TDP1: variants seen among roughly 807,000 people sequenced by gnomAD.
TDP1 encodes tyr-DNA phosphodiesterase 1.
TDP1 carries 64 observed loss-of-function variants against 81.5 expected under a neutral mutation model. The ratio of observed to expected loss-of-function variants is 0.79; its 90% confidence interval spans 0.64 to 0.97. The LOEUF (loss-of-function observed/expected upper bound fraction) is 0.97, where lower values mean the gene tolerates loss of function less well. TDP1 is among the 50% of genes least tolerant of loss of function. The pLI is 0.00. For missense variants in TDP1, 723 were observed against 743.8 expected (o/e 0.97, Z 0.33); for synonymous variants, 256 against 264.3 (o/e 0.97, Z 0.30).
intron 16 of TDP1, among the ~76,000 whole-genome samples, chr14:90,042,225 G>T (rs1018314705): frequency 6.6e-5 from 10 of 152,166 alleles, no homozygotes; most frequent in African/African-American, 2.4e-4. Context: ...TCTTGGTTAC[G>T]TGTGACCAGC....
chr14:90,016,816 C>T (rs1885367592), intron 14 of TDP1, among the ~76,000 whole-genome samples: 1 of 152,182 alleles, frequency 6.6e-6, no homozygotes, highest in Admixed American at 6.5e-5. Flanking sequence ...TGTCACTCAA[C>T]ATGACTTTAG....
At position 89,991,966 on chromosome 14, in the gene TDP1, G is replaced by A. The variant is rs1449544485; in HGVS notation, c.1416G>A (p.Trp472Ter). 4 of 1,612,686 alleles carry A rather than the reference G, an allele frequency of 2.5e-6. No homozygotes were observed. The highest frequency in any genetic ancestry group is 3.4e-6 in the Non-Finnish European group (4 of 1,179,558). Residue 472 changes from tryptophan to a stop codon, truncating the protein, a stop_gained, in exon 13 of 17, where the codon TGG becomes TGA. Transcript: ENST00000335725. LOFTEE classifies it high-confidence loss of function. ...TCCAGACAGCTGAAAAACAGAATTGGCTGCATTCCTATTTTCAGTAAGTAA... is the reference window on the plus strand; with the variant it reads ...TCCAGACAGCTGAAAAACAGAATTGACTGCATTCCTATTTTCAGTAAGTAA... ...YSIQTAEKQN[W>*]LHSYFHKWSA...
intron 15 of TDP1, among the ~76,000 whole-genome samples, chr14:90,025,220 A>G (rs1886512800): frequency 6.6e-6 from 1 of 152,228 alleles, no homozygotes; most frequent in South Asian, 2.1e-4. Context: ...CCCCACAGCC[A>G]TGATTAGGAC....
At chr14:89,991,761 T>C (rs991476994) in intron 12 of TDP1, 156 bp from the exon 13 acceptor site, 1 of 767,926 alleles carries the variant, frequency 1.3e-6, no homozygotes, top group Non-Finnish European at 1.6e-6. Context: ...AGTGCAACTA[T>C]AGACATTTTC....
Position 90,044,490 on chromosome 14 carries a change from T to G in TDP1, c.*1347T>G, listed in dbSNP as rs1345469576. ...TTATAATTTAGGATAGAGTTGAACG[T>G]TAGTCTTGAAAGATTTTCTAAAGTA... On this transcript the variant is annotated 3_prime_UTR_variant, in exon 17 of 17. Coordinates refer to ENST00000335725, the MANE Select transcript of TDP1 (RefSeq NM_018319.4). 1 of 152,230 alleles carries G rather than the reference T, an allele frequency of 6.6e-6. No homozygotes were observed. Among genetic ancestry groups the G allele is most frequent in the Non-Finnish European group, 1.5e-5 (1 of 68,046 alleles). The allele number at this position is 152,230 out of a possible 1,614,324, so 9.4% of individuals were successfully genotyped here. A position where few individuals can be genotyped will look rare whatever the true frequency, so the allele number is the denominator to read the frequency against.
intron 14 of TDP1, among the ~76,000 whole-genome samples, chr14:90,008,499 T>C (rs568947134): frequency 6.6e-6 from 1 of 152,328 alleles, no homozygotes; most frequent in South Asian, 2.1e-4. Flanking sequence ...TAGTACCTGT[T>C]GAAATCTTGG....
intron 6 of TDP1, 121 bp from the exon 7 acceptor site, chr14:89,975,660 T>G: frequency 3.9e-6 from 4 of 1,016,274 alleles, no homozygotes; most frequent in Non-Finnish European, 3.0e-6. Context: ...GCTTGCCTGG[T>G]AGAGATCAGT....
rs374189267 is a variant in TDP1 at position 89,984,688 on chromosome 14, G to A, written c.1052+5G>A. The A allele has an allele frequency of 6.2e-7, 1 of 1,613,570 alleles. No individual in the cohort carries two copies. The highest frequency in any genetic ancestry group is 8.5e-7 in the Non-Finnish European group (1 of 1,180,008). On this transcript the variant is annotated splice_donor_5th_base_variant and intron_variant, in intron 9 of 16. Coordinates refer to ENST00000335725, the MANE Select transcript of TDP1 (RefSeq NM_018319.4). ...GCACGATCTCTCTGAAACAAAGTAT[G>A]TGTCAGCTTATCAATTTGGGGTGCT... is the stretch of plus-strand genomic sequence containing the variant.
chr14:89,963,273 A>G lies in TDP1; in HGVS notation c.159A>G (p.Lys53=), dbSNP rs1448202897. 1 of 1,614,196 alleles carries G rather than the reference A, an allele frequency of 6.2e-7. No homozygotes were observed. The highest frequency in any genetic ancestry group is 8.5e-7 in the Non-Finnish European group (1 of 1,180,024). ...GGTACACCTGTTCCGAGGCCCAGAA[A>G]GCTGCACACAAGAGGAAAATATCAC... The part of the protein sequence containing the change: ...EPRYTCSEAQ[K]AAHKRKISPV... The change falls in exon 3 of 17, where the codon AAA becomes AAG. Residue 53 remains lysine, a synonymous_variant. Transcript: ENST00000335725.
chr14:90,032,999 T>A (rs966402343), intron 15 of TDP1, 107 bp from the exon 16 acceptor site: 11 of 1,167,134 alleles, frequency 9.4e-6, no homozygotes, highest in Admixed American at 4.7e-5. Context: ...TAATTTGAAT[T>A]TTATTTAGGT....
intron 10 of TDP1, 62 bp from the exon 11 acceptor site, chr14:89,988,843 A>G: frequency 6.2e-7 from 1 of 1,608,550 alleles, no homozygotes; most frequent in Non-Finnish European, 8.5e-7. Context: ...GTTTTCAAAT[A>G]TTGCAGCATT....
chr14:89,996,165 C>T (rs1896633790), intron 14 of TDP1, among the ~76,000 whole-genome samples: 1 of 152,232 alleles, frequency 6.6e-6, no homozygotes, highest in African/African-American at 2.4e-5. Context: ...ATAAGCCACT[C>T]ATCCTGGTTG....
At chr14:89,975,581 GT>G (rs35133244) in intron 6 of TDP1, 199 bp from the exon 7 acceptor site, 40,594 of 268,096 alleles carry the variant, frequency 0.15, 882 homozygotes, top group African/African-American at 0.24. Context: ...CAAAATTTGT[GT>G]TTTTTTTTTT....
At chr14:90,023,025 C>A in intron 15 of TDP1, 1 of 762,586 alleles carries the variant, frequency 1.3e-6, no homozygotes, top group African/African-American at 1.7e-5. Context: ...TGCCTGCTGT[C>A]TTCCAGGCCC....
Position 89,980,596 on chromosome 14 carries a change from A to G in TDP1, c.848A>G (p.Asn283Ser), listed in dbSNP as rs1303253232. Residue 283 changes from asparagine to serine, a missense_variant, in exon 8 of 17, where the codon AAC (asparagine) becomes AGC (serine). Physicochemically the swap from Asn to Ser is conservative, Grantham distance 46. Coordinates refer to ENST00000335725, the MANE Select transcript of TDP1 (RefSeq NM_018319.4). Reference protein sequence around the residue: ...EGLRVVIHTSNLIHADWHQKT... With the variant: ...EGLRVVIHTSSLIHADWHQKT... ...CTCCGGGTTGTCATACACACCTCCA[A>G]CCTCATCCATGCTGACTGGCACCAG... 4 of 1,614,202 alleles carry G rather than the reference A, an allele frequency of 2.5e-6. No homozygotes were observed. Among genetic ancestry groups the G allele is most frequent in the Admixed American group, 3.3e-5 (2 of 60,026 alleles).
rs1895351840 is a variant in TDP1, at chr14:89,984,613, A to G, written c.982A>G (p.Met328Val). 5.6e-6 allele frequency: 9 copies of G among 1,614,158 alleles called. No individual in the cohort carries two copies. Among genetic ancestry groups the G allele is most frequent in the Non-Finnish European group, 7.6e-6 (9 of 1,180,026 alleles). Reference protein sequence around the residue: ...HFKADLISYLMAYNAPSLKEW... With the variant: ...HFKADLISYLVAYNAPSLKEW... The stretch of plus-strand genomic sequence containing the variant: ...TAAAGCTGATCTCATCAGTTACTTG[A>G]TGGCTTATAATGCCCCTTCTCTCAA... Residue 328 changes from methionine (M) to valine (V), a missense_variant, in exon 9 of 17, where the codon ATG becomes GTG. By Grantham distance (21) the Met-to-Val change is conservative (BLOSUM62 1). Coordinates refer to ENST00000335725, the MANE Select transcript of TDP1 (RefSeq NM_018319.4).
At chr14:89,996,392 A>G (rs992394241) in intron 14 of TDP1, among the ~76,000 whole-genome samples, 6 of 152,142 alleles carry the variant, frequency 3.9e-5, no homozygotes, top group South Asian at 2.1e-4. Context: ...CCAACAGCCC[A>G]TGTAGTTTCT....
At chr14:89,958,683 A>C (rs1177260941) in intron 2 of TDP1, among the ~76,000 whole-genome samples, 2 of 152,222 alleles carry the variant, frequency 1.3e-5, no homozygotes, top group Non-Finnish European at 2.9e-5. Flanking sequence ...AAGTGTGCCA[A>C]GTGGGAAGAG....
At chr14:89,985,358 T>A (rs1486223111) in intron 10 of TDP1, 148 bp downstream of exon 10, 1 of 611,824 alleles carries the variant, frequency 1.6e-6, no homozygotes, top group African/African-American at 1.9e-5. Context: ...ATTATAATTC[T>A]TAGTAATTAC....
Sources: allele counts gnomAD v4.1 joint callset (sites outside exome capture counted in the v4.1 genomes callset), GRCh38; gene constraint gnomAD v4.1.1; transcripts MANE v1.5; gene names NCBI Gene and HGNC (gene_info 2026-07-23, HGNC 2026-07-21).